IL2RA: variants seen among roughly 807,000 people sequenced by gnomAD.
IL2RA encodes interleukin-2 receptor subunit alpha.
Under a neutral mutation model 37.8 loss-of-function variants are expected in IL2RA, and 24 were observed. The ratio of observed to expected loss-of-function variants is 0.63; its 90% CI spans 0.46 to 0.89. The LOEUF (loss-of-function observed/expected upper bound fraction) is 0.89, where lower values mean the gene tolerates loss of function less well. IL2RA is among the 40% of genes least tolerant of loss of function. The probability of loss-of-function intolerance (pLI) is 0.00; values close to 1 mark genes in which losing one functional copy is unlikely to be tolerated. For synonymous variants in IL2RA, 125 were observed against 114.6 expected (o/e 1.09, Z -0.58); for missense variants, 319 against 348.6 (o/e 0.92, Z 0.68).
In IL2RA at chr10:6,062,096, C is replaced by T; in HGVS notation, c.56G>A (p.Cys19Tyr). The T allele has an allele frequency of 6.2e-7, 1 of 1,613,914 alleles. No homozygotes were observed. The highest frequency in any genetic ancestry group is 8.5e-7 in the Non-Finnish European group (1 of 1,179,806). Residue 19 changes from cysteine (C) to tyrosine (Y), a missense_variant, in exon 1 of 8, where the codon TGC (cysteine) becomes TAC (tyrosine). Coordinates refer to ENST00000379959, the MANE Select transcript of IL2RA (RefSeq NM_000417.3). ...GLLTFIMVPG[C>Y]QAELCDDDPP... is the part of the protein sequence containing the mutation. Reference sequence around the variant, plus strand: ...CACCCACAGGCCCTTACCTGCCTGGCAGCCAGGCACCATGATGAACGTGAG... The same window carrying T: ...CACCCACAGGCCCTTACCTGCCTGGTAGCCAGGCACCATGATGAACGTGAG...
intron 1 of IL2RA, among the ~76,000 whole-genome samples, chr10:6,040,189 T>G (rs1839750653): frequency 6.6e-6 from 1 of 152,246 alleles, no homozygotes; most frequent in South Asian, 2.1e-4. Context: ...TTGAGCGGTG[T>G]TGTTTTTAGA....
At position 6,020,900 on chromosome 10, in the gene IL2RA, C is replaced by T. The variant is rs185730250; in HGVS notation, c.583+578G>A. Among the ~76,000 whole-genome samples the T allele has an allele frequency of 3.6e-4, 54 of 151,830 alleles. 2 individuals carry two copies. The East Asian group carries it at 9.7e-3, about 27-fold the overall frequency. ...TCAGAAGGAAGACAGCAGGAGACCTCGACATCGGTGGGCTGAGCATTTGCA... is the reference window on the plus strand; with the variant it reads ...TCAGAAGGAAGACAGCAGGAGACCTTGACATCGGTGGGCTGAGCATTTGCA... On this transcript the variant is annotated intron_variant, in intron 4 of 7. Coordinates refer to ENST00000379959, the MANE Select transcript of IL2RA (RefSeq NM_000417.3). The surrounding 1 kb of genome is among the most constrained non-coding windows in gnomAD (Gnocchi z 5.6).
chr10:6,057,867 T>C lies in IL2RA; in HGVS notation c.64+4221A>G, dbSNP rs1362422760. Among the ~76,000 whole-genome samples the C allele has an allele frequency of 6.6e-6, 1 of 152,180 alleles. No homozygotes were observed. Among genetic ancestry groups the C allele is most frequent in the African/African-American group, 2.4e-5 (1 of 41,448 alleles). ...AGGACTGGGTGCGGTGGCTCATGCC[T>C]GTAATCCCAGTGCTTTGGGAGGCCA... On this transcript the variant is annotated intron_variant, in intron 1 of 7. Transcript: ENST00000379959. This position sits in a 1 kb window ranked among gnomAD's most constrained non-coding sequence, Gnocchi z 4.8.
In IL2RA at chr10:6,014,683, T is replaced by A. The variant is rs1323605371; in HGVS notation, c.795-1787A>T. Reference sequence around the variant, plus strand: ...ACAACATGTCAGCCACGTCACATCCTTCCCCTCCTGGAAGCCTAAAATGAC... The same window carrying A: ...ACAACATGTCAGCCACGTCACATCCATCCCCTCCTGGAAGCCTAAAATGAC... On this transcript the variant is annotated intron_variant, in intron 7 of 7. Transcript: ENST00000379959. This position sits in a 1 kb window ranked among gnomAD's most constrained non-coding sequence, Gnocchi z 4.4. Among the ~76,000 whole-genome samples, 1 of 152,216 alleles carries A rather than the reference T, an allele frequency of 6.6e-6. No individual in the cohort carries two copies. Among genetic ancestry groups the A allele is most frequent in the East Asian group, 1.9e-4 (1 of 5,200 alleles).
chr10:6,060,562 C>G (rs1564555825), intron 1 of IL2RA, among the ~76,000 whole-genome samples: 2 of 152,174 alleles, frequency 1.3e-5, no homozygotes, highest in African/African-American at 2.4e-5. Context: ...TGAGACCAGC[C>G]TGACCAATAT....
intron 1 of IL2RA, among the ~76,000 whole-genome samples, chr10:6,027,037 G>T (rs569821544): frequency 1.1e-4 from 17 of 152,266 alleles, no homozygotes; most frequent in Admixed American, 4.6e-4. Context: ...CTGAAGGTAG[G>T]GAGGCTGGGT....
chr10:6,055,972 T>C (rs948331721), intron 1 of IL2RA, among the ~76,000 whole-genome samples: 2 of 152,184 alleles, frequency 1.3e-5, no homozygotes, highest in African/African-American at 2.4e-5. Context: ...GAACCATTAC[T>C]CTCCACACAT....
rs906575040 is a variant in IL2RA at position 6,018,769 on chromosome 10, G to A, written c.728-650C>T. Among the ~76,000 whole-genome samples, 3 of 152,112 alleles carry A rather than the reference G, an allele frequency of 2.0e-5. No homozygotes were observed. The highest frequency in any genetic ancestry group is 6.5e-5 in the Admixed American group (1 of 15,270). On this transcript the variant is annotated intron_variant, in intron 6 of 7. Coordinates refer to ENST00000379959, the MANE Select transcript of IL2RA (RefSeq NM_000417.3). This position sits in a 1 kb window ranked among gnomAD's most constrained non-coding sequence, Gnocchi z 5.1. ...CTGGTTCATGCGAATTCTGAGTTAC[G>A]TCAGTATCTGGATTAGTCTTTCACT...
intron 1 of IL2RA, among the ~76,000 whole-genome samples, chr10:6,050,609 A>C (rs949516715): frequency 1.3e-5 from 2 of 151,954 alleles, no homozygotes; most frequent in African/African-American, 4.8e-5. Flanking sequence ...ATACCACTGC[A>C]CTCCAGTCTG....
chr10:6,033,114 C>G lies in IL2RA; in HGVS notation c.65-7089G>C, dbSNP rs754111010. ...GTATTTGGCCAGGCATGGTGGCTCA[C>G]GCCTGTAATCTCAGCACTTTAGGAG... On this transcript the variant is annotated intron_variant, in intron 1 of 7. Coordinates refer to ENST00000379959, the MANE Select transcript of IL2RA (RefSeq NM_000417.3). This position sits in a 1 kb window ranked among gnomAD's most constrained non-coding sequence, Gnocchi z 4.3. Among the ~76,000 whole-genome samples the G allele has an allele frequency of 2.6e-5, 4 of 152,084 alleles. No homozygotes were observed. The highest frequency in any genetic ancestry group is 5.9e-5 in the Non-Finnish European group (4 of 67,988).
In IL2RA at chr10:6,062,256, G is replaced by A. The variant is rs572610951; in HGVS notation, c.-105C>T. ...TTTGGCATCGCGCCGGAGGATGTGG[G>A]ATGGGAAGATCGGTCCGCCTGGGCT... is the stretch of plus-strand genomic sequence containing the variant. On this transcript the variant is annotated 5_prime_UTR_variant, in exon 1 of 8. Transcript: ENST00000379959. 1 of 952,184 alleles carries A rather than the reference G, an allele frequency of 1.1e-6. No individual in the cohort carries two copies. The highest frequency in any genetic ancestry group is 1.6e-5 in the African/African-American group (1 of 62,212). The allele number at this position is 952,184 out of a possible 1,614,324, so 59.0% of individuals were successfully genotyped here.
intron 3 of IL2RA, among the ~76,000 whole-genome samples, chr10:6,023,627 C>T (rs1422683561): frequency 1.3e-5 from 2 of 152,232 alleles, no homozygotes; most frequent in African/African-American, 2.4e-5. Context: ...TGAGCCACTG[C>T]GCCCAGCCCA....
rs575682473 is a variant in IL2RA at position 6,046,362 on chromosome 10, G to A, written c.64+15726C>T. On this transcript the variant is annotated intron_variant, in intron 1 of 7. Coordinates refer to ENST00000379959, the MANE Select transcript of IL2RA (RefSeq NM_000417.3). This position sits in a 1 kb window ranked among gnomAD's most constrained non-coding sequence, Gnocchi z 4.8. The stretch of plus-strand genomic sequence containing the variant: ...GTCTACTGTGATTTTGCTTAAGAAG[G>A]GTTCAGTAGAGACAAACAGCATCAT... Among the ~76,000 whole-genome samples the A allele has an allele frequency of 2.6e-5, 4 of 152,266 alleles. No homozygotes were observed. In the South Asian group the frequency reaches 8.3e-4, roughly 32 times the overall value.
intron 1 of IL2RA, among the ~76,000 whole-genome samples, chr10:6,032,100 A>T (rs976059021): frequency 9.2e-5 from 14 of 152,162 alleles, no homozygotes; most frequent in Admixed American, 7.2e-4. Context: ...AAATTCAATG[A>T]GAAAGGAAAA....
intron 1 of IL2RA, among the ~76,000 whole-genome samples, chr10:6,037,361 C>T (rs966198975): frequency 3.3e-5 from 5 of 152,056 alleles, no homozygotes; most frequent in East Asian, 1.9e-4. Context: ...AGATGTGGAC[C>T]GAGTCTGAGA....
rs376071450 is a variant in IL2RA at position 6,020,022 on chromosome 10, C to T, written c.584-81G>A. 25 of 1,234,392 alleles carry T rather than the reference C, an allele frequency of 2.0e-5. No individual in the cohort carries two copies. The East Asian group carries it at 5.3e-4, about 26-fold the overall frequency. The allele number at this position is 1,234,392 out of a possible 1,614,324, so 76.5% of individuals were successfully genotyped here. ...CTCCCACCCCGCCTGCCCCAGGCAG[C>T]CGGCCCCAGACACGCCCGAGGAGGC... On this transcript the variant is annotated intron_variant, in intron 4 of 7. Transcript: ENST00000379959. The surrounding 1 kb of genome is among the most constrained non-coding windows in gnomAD (Gnocchi z 5.6).
At chr10:6,031,496 A>G (rs1424987657) in intron 1 of IL2RA, among the ~76,000 whole-genome samples, 10 of 66,572 alleles carry the variant, frequency 1.5e-4, no homozygotes, top group South Asian at 5.1e-4. Context: ...ATATATATGT[A>G]TATATATATA....
In IL2RA at chr10:6,028,144, G is replaced by A. The variant is rs1391362864; in HGVS notation, c.65-2119C>T. Among the ~76,000 whole-genome samples, 1 of 152,070 alleles carries A rather than the reference G, an allele frequency of 6.6e-6. No individual in the cohort carries two copies. Among genetic ancestry groups the A allele is most frequent in the African/African-American group, 2.4e-5 (1 of 41,386 alleles). On this transcript the variant is annotated intron_variant, in intron 1 of 7. Coordinates refer to ENST00000379959, the MANE Select transcript of IL2RA (RefSeq NM_000417.3). This position sits in a 1 kb window ranked among gnomAD's most constrained non-coding sequence, Gnocchi z 4.1. ...TCCTTCCTGGGGTGCTTTCCTTCCC[G>A]GCAGCACCCAGGTGGAACCCAAGCA...
chr10:6,019,903 C>T lies in IL2RA; in HGVS notation c.622G>A (p.Glu208Lys), dbSNP rs768524031. 1 of 1,614,186 alleles carries T rather than the reference C, an allele frequency of 6.2e-7. No homozygotes were observed. Among genetic ancestry groups the T allele is most frequent in the South Asian group, 1.1e-5 (1 of 91,086 alleles). ...GTGACGAGGCAGGAAGTCTCACTCT[C>T]AGGACGGCCTTCGGGGCTTGCCTGA... ...KPQASPEGRP[E>K]SETSCLVTTT... Residue 208 changes from glutamate (E) to lysine (K), a missense_variant, in exon 5 of 8, where the codon GAG (glutamate) becomes AAG (lysine). Physicochemically the swap from Glu to Lys is moderately conservative, Grantham distance 56 (BLOSUM62 1). Transcript: ENST00000379959.
Sources: allele counts gnomAD v4.1 joint callset (sites outside exome capture counted in the v4.1 genomes callset), GRCh38; gene constraint gnomAD v4.1.1; non-coding constraint Gnocchi (gnomAD v3.1); transcripts MANE v1.5; gene names NCBI Gene and HGNC (gene_info 2026-07-23, HGNC 2026-07-21).